HHIPL1: variants seen among roughly 807,000 people sequenced by gnomAD.
The protein encoded by HHIPL1 is HHIP-like protein 1.
A neutral mutation model predicts 61.8 loss-of-function variants in HHIPL1; 43 were observed. That is an observed-to-expected ratio of 0.70 (90% CI 0.55 to 0.90). HHIPL1 has a LOEUF of 0.90. HHIPL1 is among the 40% of genes least tolerant of loss of function. The probability of loss-of-function intolerance (pLI) is 0.00; values close to 1 mark genes in which losing one functional copy is unlikely to be tolerated. For synonymous variants in HHIPL1, 482 were observed against 515.8 expected, an observed-to-expected ratio of 0.93 and a Z score of 0.89; for missense variants, 1,056 against 1,157.7, an observed-to-expected ratio of 0.91 and a Z score of 1.28.
chr14:99,664,177 A>G (rs539494483), intron 6 of HHIPL1, among the ~76,000 whole-genome samples: 88 of 152,160 alleles, frequency 5.8e-4, no homozygotes, highest in African/African-American at 2.1e-3. Context: ...GCCCTAATGG[A>G]TGCTTATTGG....
At chr14:99,629,302 G>A in the HHIPL1 span, among the ~76,000 whole-genome samples, 2 of 152,110 alleles carry the variant, frequency 1.3e-5, no homozygotes, top group African/African-American at 2.4e-5. Flanking sequence ...ACAAGAGGCA[G>A]AACATACATA....
chr14:99,641,822 T>C (rs1246332727), upstream of HHIPL1, among the ~76,000 whole-genome samples: 4 of 152,238 alleles, frequency 2.6e-5, no homozygotes, highest in Admixed American at 6.5e-5. Context: ...TCTTTGGTTG[T>C]CTGCAGTTTG....
the HHIPL1 span, among the ~76,000 whole-genome samples, chr14:99,626,424 T>C: frequency 1.6e-4 from 25 of 152,162 alleles, no homozygotes; most frequent in African/African-American, 6.0e-4. Context: ...GTGGGAAAGA[T>C]GTGGAAACTG....
the HHIPL1 span, among the ~76,000 whole-genome samples, chr14:99,618,963 AC>A: frequency 6.6e-6 from 1 of 152,202 alleles, no homozygotes; most frequent in South Asian, 2.1e-4. Flanking sequence ...AGGCCTGGGC[AC>A]AGCTCTGGGC....
intron 6 of HHIPL1, among the ~76,000 whole-genome samples, chr14:99,665,399 G>A (rs573818451): frequency 2.6e-5 from 4 of 152,192 alleles, no homozygotes; most frequent in African/African-American, 9.7e-5. Flanking sequence ...CTCTGGAATG[G>A]GGGTCTTATG....
chr14:99,631,361 G>A, the HHIPL1 span, among the ~76,000 whole-genome samples: 1 of 151,864 alleles, frequency 6.6e-6, no homozygotes, highest in South Asian at 2.1e-4. Flanking sequence ...GTGAGCCACC[G>A]CGCCCGGCCT....
chr14:99,637,080 GAA>G, the HHIPL1 span, among the ~76,000 whole-genome samples: 2,750 of 111,416 alleles, frequency 0.025, 121 homozygotes, highest in Non-Finnish European at 0.038. Context: ...GAAAGAGAGA[GAA>G]AGAAAGAAAG....
At chr14:99,608,584 G>C in the HHIPL1 span, among the ~76,000 whole-genome samples, 15 of 152,326 alleles carry the variant, frequency 9.8e-5, no homozygotes, top group Non-Finnish European at 1.9e-4. Context: ...AGGACAGTGA[G>C]GCAATGGTGG....
the HHIPL1 span, among the ~76,000 whole-genome samples, chr14:99,638,459 G>A: frequency 1.4e-4 from 22 of 152,276 alleles, no homozygotes; most frequent in Non-Finnish European, 2.5e-4. Flanking sequence ...TGCCCATACC[G>A]ACCCAGTCTG....
intron 7 of HHIPL1, among the ~76,000 whole-genome samples, chr14:99,671,086 C>A (rs148624549): frequency 3.9e-5 from 6 of 152,154 alleles, no homozygotes; most frequent in Non-Finnish European, 2.9e-5. Context: ...TTCCTCCTCC[C>A]GCCCTGACCC....
At chr14:99,606,147 G>A in the HHIPL1 span, among the ~76,000 whole-genome samples, 2 of 152,176 alleles carry the variant, frequency 1.3e-5, no homozygotes, top group African/African-American at 4.8e-5. Flanking sequence ...GAGGGTGGTG[G>A]GGAGAGGATG....
In HHIPL1 at chr14:99,668,487, T is replaced by C. The variant is rs1025150918; in HGVS notation, c.1730+184T>C. Among the ~76,000 whole-genome samples, 17 of 152,068 alleles carry C rather than the reference T, an allele frequency of 1.1e-4. No individual in the cohort carries two copies. The highest frequency in any genetic ancestry group is 2.2e-4 in the Non-Finnish European group (15 of 67,996). Reference sequence around the variant, plus strand: ...CCTCCGGCAAGGGGCAGACCCAGGATTCAGACCCGGGTCTGCACGCCTCAA... The same window carrying C: ...CCTCCGGCAAGGGGCAGACCCAGGACTCAGACCCGGGTCTGCACGCCTCAA... On this transcript the variant is annotated intron_variant, in intron 7 of 8. Transcript: ENST00000330710. This position sits in a 1 kb window ranked among gnomAD's most constrained non-coding sequence, Gnocchi z 4.7.
the HHIPL1 span, among the ~76,000 whole-genome samples, chr14:99,619,917 G>A: frequency 3.6e-4 from 55 of 152,282 alleles, no homozygotes; most frequent in African/African-American, 1.3e-3. Context: ...TGGAAGGAGG[G>A]ATATTTTCCC....
At chr14:99,628,748 G>C in the HHIPL1 span, among the ~76,000 whole-genome samples, 1 of 152,110 alleles carries the variant, frequency 6.6e-6, no homozygotes, top group South Asian at 2.1e-4. Flanking sequence ...GCTGGAGGTT[G>C]CACAGTCCAG....
the HHIPL1 span, among the ~76,000 whole-genome samples, chr14:99,613,279 T>A: frequency 4.6e-5 from 7 of 151,842 alleles, no homozygotes; most frequent in South Asian, 2.1e-4. Flanking sequence ...TTTTTTTTTT[T>A]AATAAGCCTT....
the HHIPL1 span, among the ~76,000 whole-genome samples, chr14:99,631,052 CTTTCTTTCTTTCTTTCTTTCT>C: frequency 2.8e-4 from 18 of 63,774 alleles, no homozygotes; most frequent in East Asian, 7.2e-4. Context: ...GCTCCATTTT[CTTTCTTTCTTTCTTTCTTTCT>C]TTCTTTCTTT....
chr14:99,620,646 C>A, the HHIPL1 span, among the ~76,000 whole-genome samples: 1 of 152,248 alleles, frequency 6.6e-6, no homozygotes, highest in South Asian at 2.1e-4. Context: ...GGGACAGGGG[C>A]CACTGTGGGA....
At chr14:99,633,182 A>G in the HHIPL1 span, among the ~76,000 whole-genome samples, 1 of 152,176 alleles carries the variant, frequency 6.6e-6, no homozygotes, top group African/African-American at 2.4e-5. Flanking sequence ...GGCTGAAGCT[A>G]GGCTGGGGGA....
At chr14:99,637,088 G>GAAAAGAA in the HHIPL1 span, among the ~76,000 whole-genome samples, 51 of 104,288 alleles carry the variant, frequency 4.9e-4, no homozygotes, top group African/African-American at 1.8e-3. Flanking sequence ...GAGAAAGAAA[G>GAAAAGAA]AAAGAAGGAA....
Sources: gnomAD v4.1 joint callset for allele counts (sites outside exome capture counted in the v4.1 genomes callset) on GRCh38, gnomAD v4.1.1 for gene constraint, Gnocchi (gnomAD v3.1) non-coding constraint, MANE v1.5 for transcripts, NCBI Gene and HGNC (gene_info 2026-07-23, HGNC 2026-07-21) for gene names.